The following PATJ variants were observed in gnomAD, a reference collection of about 807,000 sequenced individuals.
PATJ encodes the protein inaD-like protein.
PATJ carries 190 observed loss-of-function variants against 224.9 expected under a neutral mutation model. The observed-to-expected ratio is 0.84, with a 90% CI of 0.75 to 0.95. The LOEUF (loss-of-function observed/expected upper bound fraction) is 0.95, where lower values mean the gene tolerates loss of function less well. Ranked by LOEUF, PATJ falls within the 40% of genes least tolerant of loss-of-function variation. The probability of loss-of-function intolerance (pLI) is 0.00; values close to 1 mark genes in which losing one functional copy is unlikely to be tolerated. For missense variants in PATJ, 2,121 were observed against 2,270.3 expected (o/e 0.93, Z 1.34); for synonymous variants, 769 against 820.3 (o/e 0.94, Z 1.07).
intron 29 of PATJ, among the ~76,000 whole-genome samples, chr1:62,023,373 G>T (rs1487628823): frequency 6.6e-6 from 1 of 151,794 alleles, no homozygotes; most frequent in Non-Finnish European, 1.5e-5. Flanking sequence ...GCATGCATAA[G>T]CATGAGTTTA....
At position 61,901,328 on chromosome 1, in the gene PATJ, G is replaced by A; in HGVS notation, c.3250G>A (p.Val1084Ile). The A allele has an allele frequency of 7.0e-6, 11 of 1,577,950 alleles. No individual in the cohort carries two copies. Among genetic ancestry groups the A allele is most frequent in the African/African-American group, 1.4e-5 (1 of 72,524 alleles). Residue 1084 changes from valine to isoleucine, a missense_variant, in exon 24 of 44, where the codon GTT becomes ATT. Val to Ile is a conservative substitution (Grantham distance 29). Coordinates refer to ENST00000642238, the MANE Select transcript of PATJ (RefSeq NM_001350145.3). ...CAATGTGTCTCTTGGGATCAGTATT[G>A]TTGGTGGACAAACTGTTATAAAACG... ...EPNVSLGISIVGGQTVIKRLK... is the reference protein window; with the variant it reads ...EPNVSLGISIIGGQTVIKRLK...
chr1:61,946,762 A>C (rs972631863), intron 27 of PATJ, among the ~76,000 whole-genome samples: 6 of 152,068 alleles, frequency 3.9e-5, no homozygotes, highest in South Asian at 2.1e-4. Context: ...GAGACACAAC[A>C]AAAAAAGAGA....
chr1:61,924,235 G>C (rs916575469), intron 26 of PATJ, among the ~76,000 whole-genome samples: 4 of 152,024 alleles, frequency 2.6e-5, no homozygotes, highest in Non-Finnish European at 4.4e-5. Context: ...AGGTGTGGTG[G>C]TACGAGCTTG....
chr1:61,855,841 G>C (rs987933122), intron 17 of PATJ, among the ~76,000 whole-genome samples, 189 bp from the exon 18 acceptor site: 3 of 152,130 alleles, frequency 2.0e-5, no homozygotes, highest in Non-Finnish European at 4.4e-5. Context: ...ATTATACAGA[G>C]GTGTACAACC....
intron 22 of PATJ, among the ~76,000 whole-genome samples, chr1:61,887,503 C>A (rs1298207061): frequency 1.3e-5 from 2 of 152,062 alleles, no homozygotes; most frequent in Admixed American, 6.6e-5. Context: ...AGAGTAACCA[C>A]CTAGTGGTAG....
intron 33 of PATJ, among the ~76,000 whole-genome samples, chr1:62,104,344 C>G (rs1662613671): frequency 6.6e-6 from 1 of 152,118 alleles, no homozygotes; most frequent in South Asian, 2.1e-4. Context: ...AATATCCCAA[C>G]CCAGTATCTT....
chr1:61,856,284 C>G (rs1221376763), intron 18 of PATJ, 45 bp downstream of exon 18: 3 of 1,468,432 alleles, frequency 2.0e-6, no homozygotes, highest in Non-Finnish European at 2.9e-6. Context: ...AATAGTGCAA[C>G]AGTTAAAAAC....
chr1:61,746,042 G>T (rs1044536358), intron 1 of PATJ, among the ~76,000 whole-genome samples: 1 of 151,952 alleles, frequency 6.6e-6, no homozygotes, highest in South Asian at 2.1e-4. Flanking sequence ...GGGTTCAAGC[G>T]ATTGTCCTGG....
At chr1:61,960,162 C>G (rs1681065049) in intron 27 of PATJ, among the ~76,000 whole-genome samples, 1 of 152,126 alleles carries the variant, frequency 6.6e-6, no homozygotes, top group African/African-American at 2.4e-5. Flanking sequence ...GATTTGGAGT[C>G]ATGCAATTTT....
chr1:61,942,469 A>C (rs1426698642), intron 27 of PATJ, among the ~76,000 whole-genome samples: 1 of 152,052 alleles, frequency 6.6e-6, no homozygotes, highest in African/African-American at 2.4e-5. Flanking sequence ...ATGCAAAATG[A>C]TAGACAGTAC....
rs762866908 is a variant in PATJ at position 61,787,910 on chromosome 1, C to G, written c.1006C>G (p.Pro336Ala). ...RDPAGDISVT[P>A]PAPAALPVAL... is the part of the protein sequence containing the mutation. ...TCCAGCTGGTGACATTTCAGTCACC[C>G]CCCCTGCCCCTGCAGCCTTACCTGT... Residue 336 changes from proline (P) to alanine (A), a missense_variant, in exon 8 of 44, where the codon CCC becomes GCC. Coordinates refer to ENST00000642238, the MANE Select transcript of PATJ (RefSeq NM_001350145.3). 3.1e-6 allele frequency: 5 copies of G among 1,613,902 alleles called. No homozygotes were observed. In the African/African-American group the frequency reaches 5.3e-5, roughly 17 times the overall value.
chr1:62,086,029 G>T lies in PATJ; in HGVS notation c.4377+1381G>T, dbSNP rs908086200. On this transcript the variant is annotated intron_variant, in intron 33 of 43. Transcript: ENST00000642238. The surrounding 1 kb of genome is among the most constrained non-coding windows in gnomAD (Gnocchi z 4.0). Reference sequence around the variant, plus strand: ...GGGTCTTGCTATGTTGCCCAAGCTGGTTTTGAACTCCTAGGCTCAAGCGAT... The same window carrying T: ...GGGTCTTGCTATGTTGCCCAAGCTGTTTTTGAACTCCTAGGCTCAAGCGAT... Among the ~76,000 whole-genome samples, 6 of 151,848 alleles carry T rather than the reference G, an allele frequency of 4.0e-5. No homozygotes were observed. The highest frequency in any genetic ancestry group is 2.6e-4 in the Admixed American group (4 of 15,230).
intron 13 of PATJ, among the ~76,000 whole-genome samples, chr1:61,805,845 T>C (rs1279037233): frequency 6.6e-6 from 1 of 152,252 alleles, no homozygotes; most frequent in Non-Finnish European, 1.5e-5. Context: ...CTGTATCAGC[T>C]GCTTAAAATT....
At chr1:61,902,091 C>T (rs1318911505) in intron 24 of PATJ, among the ~76,000 whole-genome samples, 7 of 151,928 alleles carry the variant, frequency 4.6e-5, no homozygotes, top group South Asian at 2.1e-4. Context: ...CGTAGTGGCA[C>T]GTGCCTGTAT....
At chr1:62,106,121 A>ACACAC (rs1558176204) in intron 33 of PATJ, among the ~76,000 whole-genome samples, 13 of 31,280 alleles carry the variant, frequency 4.2e-4, no homozygotes, top group East Asian at 1.7e-3. Flanking sequence ...CACACACACA[A>ACACAC]ACACACATAT....
chr1:61,955,552 T>G (rs899473578), intron 27 of PATJ, among the ~76,000 whole-genome samples: 1 of 152,150 alleles, frequency 6.6e-6, no homozygotes, highest in African/African-American at 2.4e-5. Context: ...GTTCTAAAAC[T>G]TTAAGTTCAA....
chr1:61,965,882 G>T (rs1682056055), intron 27 of PATJ, among the ~76,000 whole-genome samples: 1 of 152,168 alleles, frequency 6.6e-6, no homozygotes, highest in Non-Finnish European at 1.5e-5. Flanking sequence ...TATTCAGGAA[G>T]CTGTTATTAT....
intron 41 of PATJ, among the ~76,000 whole-genome samples, chr1:62,133,979 C>T (rs1169967078): frequency 6.6e-6 from 1 of 151,872 alleles, no homozygotes; most frequent in African/African-American, 2.4e-5. Flanking sequence ...CTCCTGACCT[C>T]AGGTGATCCG....
At chr1:62,063,585 A>G (rs1655912976) in intron 31 of PATJ, among the ~76,000 whole-genome samples, 1 of 152,120 alleles carries the variant, frequency 6.6e-6, no homozygotes, top group African/African-American at 2.4e-5. Context: ...GAATGCATAG[A>G]TTGCTTTGGG....
Sources: gnomAD v4.1 joint callset for allele counts (sites outside exome capture counted in the v4.1 genomes callset) on GRCh38, gnomAD v4.1.1 for gene constraint, Gnocchi (gnomAD v3.1) non-coding constraint, MANE v1.5 for transcripts, NCBI Gene and HGNC (gene_info 2026-07-23, HGNC 2026-07-21) for gene names.